The following CNTNAP5 variants were observed in gnomAD, a reference collection of about 807,000 sequenced individuals.
The protein encoded by CNTNAP5 is contactin-associated protein-like 5.
A neutral mutation model predicts 150.2 loss-of-function variants in CNTNAP5; 72 were observed. The observed-to-expected ratio is 0.48, with a 90% CI of 0.40 to 0.58. The LOEUF is 0.58. Among genes scored for constraint, CNTNAP5 ranks in the 20% least tolerant of loss-of-function variants. CNTNAP5 has a pLI of 0.00. For missense variants in CNTNAP5, 1,636 were observed against 1,626.2 expected, an observed-to-expected ratio of 1.01 and a Z score of -0.10; for synonymous variants, 672 against 619.8, an observed-to-expected ratio of 1.08 and a Z score of -1.25.
intron 19 of CNTNAP5, among the ~76,000 whole-genome samples, chr2:124,836,790 C>A (rs1407080107): frequency 6.6e-6 from 1 of 151,960 alleles, no homozygotes; most frequent in Non-Finnish European, 1.5e-5. Context: ...ATGCTCTTGC[C>A]CAGAGAGGTC....
intron 12 of CNTNAP5, among the ~76,000 whole-genome samples, chr2:124,640,174 G>C (rs1678060834): frequency 6.6e-6 from 1 of 152,064 alleles, no homozygotes; most frequent in South Asian, 2.1e-4. Flanking sequence ...AGTGCACATA[G>C]AATCCGTTCC....
chr2:124,073,038 A>G (rs1682347596), intron 1 of CNTNAP5, among the ~76,000 whole-genome samples: 1 of 152,032 alleles, frequency 6.6e-6, no homozygotes, highest in Admixed American at 6.6e-5. Flanking sequence ...AGAATAGAGA[A>G]CCCAGAAATG....
At chr2:124,223,196 T>A (rs1686369833) in intron 2 of CNTNAP5, among the ~76,000 whole-genome samples, 1 of 152,172 alleles carries the variant, frequency 6.6e-6, no homozygotes, top group Non-Finnish European at 1.5e-5. Context: ...ACCTAGGTTA[T>A]CTGAATTCAA....
At chr2:124,735,420 C>T (rs1180971227) in intron 13 of CNTNAP5, among the ~76,000 whole-genome samples, 1 of 138,894 alleles carries the variant, frequency 7.2e-6, no homozygotes, top group Non-Finnish European at 1.6e-5. Context: ...ACAATTATTT[C>T]TACAAGACTT....
At chr2:124,056,640 C>T (rs999278134) in intron 1 of CNTNAP5, among the ~76,000 whole-genome samples, 1 of 151,990 alleles carries the variant, frequency 6.6e-6, no homozygotes, top group African/African-American at 2.4e-5. Flanking sequence ...AGCGAGACTC[C>T]ATCTCAAAAA....
chr2:124,761,839 A>C (rs994741151), intron 14 of CNTNAP5, among the ~76,000 whole-genome samples: 3 of 152,118 alleles, frequency 2.0e-5, no homozygotes, highest in Admixed American at 2.0e-4. Context: ...AGATAATTTT[A>C]TTCTTAGAGT....
intron 11 of CNTNAP5, among the ~76,000 whole-genome samples, chr2:124,587,209 A>G (rs1696557878): frequency 6.6e-6 from 1 of 152,184 alleles, no homozygotes; most frequent in Admixed American, 6.5e-5. Context: ...ATGTGCTATA[A>G]TCATCTGTTC....
intron 7 of CNTNAP5, among the ~76,000 whole-genome samples, chr2:124,484,956 T>C (rs1317937841): frequency 6.6e-6 from 1 of 152,182 alleles, no homozygotes; most frequent in Non-Finnish European, 1.5e-5. Context: ...CTATAAGTGT[T>C]CCTTGTTGAA....
At chr2:124,153,333 A>G (rs1393671191) in intron 1 of CNTNAP5, among the ~76,000 whole-genome samples, 1 of 152,148 alleles carries the variant, frequency 6.6e-6, no homozygotes, top group Non-Finnish European at 1.5e-5. Context: ...CTGGCATCCA[A>G]CCTTGCTGGG....
intron 13 of CNTNAP5, among the ~76,000 whole-genome samples, chr2:124,655,938 AG>A (rs1558722330): frequency 3.4e-4 from 31 of 91,250 alleles, no homozygotes; most frequent in South Asian, 7.6e-4. Context: ...AGAGAGAGAG[AG>A]AGAGAGAGAA....
chr2:124,855,173 T>G (rs1035663141), intron 19 of CNTNAP5, among the ~76,000 whole-genome samples: 1,147 of 88,340 alleles, frequency 0.013, 34 homozygotes, highest in African/African-American at 0.065. Flanking sequence ...TTTGCTTTTT[T>G]TTTTTTTTTT....
chr2:124,806,089 GA>G (rs971390798), intron 19 of CNTNAP5, among the ~76,000 whole-genome samples: 1 of 152,218 alleles, frequency 6.6e-6, no homozygotes, highest in Non-Finnish European at 1.5e-5. Context: ...GCTCATGGTA[GA>G]AAAATAAGTA....
chr2:124,741,461 TC>T (rs1467326408), intron 13 of CNTNAP5, among the ~76,000 whole-genome samples: 8 of 152,202 alleles, frequency 5.3e-5, no homozygotes, highest in Non-Finnish European at 1.2e-4. Context: ...GTTCAACAGC[TC>T]CCAATGATTA....
intron 21 of CNTNAP5, among the ~76,000 whole-genome samples, chr2:124,893,211 G>A (rs114890594): frequency 1.1e-3 from 170 of 152,192 alleles, no homozygotes; most frequent in African/African-American, 3.9e-3. Context: ...GCTATTTTGG[G>A]CACCTTATTT....
At chr2:124,551,951 G>A (rs372669675) in intron 10 of CNTNAP5, among the ~76,000 whole-genome samples, 2 of 152,050 alleles carry the variant, frequency 1.3e-5, no homozygotes, top group Non-Finnish European at 2.9e-5. Flanking sequence ...TTTAAGAGGG[G>A]TAGGCATGTG....
chr2:124,568,573 A>ATAT (rs1278897356), intron 11 of CNTNAP5, among the ~76,000 whole-genome samples: 2 of 152,230 alleles, frequency 1.3e-5, no homozygotes, highest in Non-Finnish European at 2.9e-5. Context: ...ATATTATTTT[A>ATAT]ATAACTCCAA....
intron 3 of CNTNAP5, among the ~76,000 whole-genome samples, chr2:124,308,631 G>C (rs765402306): frequency 6.6e-6 from 1 of 152,196 alleles, no homozygotes; most frequent in Admixed American, 6.5e-5. Flanking sequence ...AAGTTAAGCT[G>C]AATTGGGGAG....
chr2:124,813,367 G>A (rs1373329449), intron 19 of CNTNAP5, among the ~76,000 whole-genome samples: 2 of 147,996 alleles, frequency 1.4e-5, no homozygotes, highest in South Asian at 2.1e-4. Context: ...ATGAGCCACC[G>A]TGCCTGGCCT....
Position 124,424,114 on chromosome 2 carries a change from G to A in CNTNAP5, c.529+6524G>A, listed in dbSNP as rs933609531. Among the ~76,000 whole-genome samples the A allele has an allele frequency of 3.3e-5, 5 of 152,028 alleles. No homozygotes were observed. In the South Asian group the frequency reaches 8.3e-4, roughly 25 times the overall value. On this transcript the variant is annotated intron_variant, in intron 4 of 23. Coordinates refer to ENST00000682447, the MANE Select transcript of CNTNAP5 (RefSeq NM_001367498.1). The stretch of plus-strand genomic sequence containing the variant: ...CTTGCTCCTATTTGGTTAATTACTC[G>A]CAAGTGGTATCATCCAAAATTCATC...
Sources: gnomAD v4.1 joint callset for allele counts (sites outside exome capture counted in the v4.1 genomes callset) on GRCh38, gnomAD v4.1.1 for gene constraint, MANE v1.5 for transcripts, NCBI Gene and HGNC (gene_info 2026-07-23, HGNC 2026-07-21) for gene names.